The following TEX101 variants were observed in gnomAD, a reference collection of about 807,000 sequenced individuals.
The protein encoded by TEX101 is testis-expressed protein 101.
A neutral mutation model predicts 18.1 loss-of-function variants in TEX101; 10 were observed. The ratio of observed to expected loss-of-function variants is 0.55; its 90% confidence interval spans 0.34 to 0.94. The LOEUF is 0.94. Ranked by LOEUF, TEX101 falls within the 40% of genes least tolerant of loss-of-function variation. The pLI, the probability that TEX101 is intolerant of heterozygous loss-of-function variation, is 0.02. For missense variants in TEX101, 259 were observed against 298.9 expected (o/e 0.87, Z 0.98); for synonymous variants, 94 against 114.8 (o/e 0.82, Z 1.16).
At chr19:43,415,527 C>T (rs895955798) in intron 1 of TEX101, among the ~76,000 whole-genome samples, 8 of 151,986 alleles carry the variant, frequency 5.3e-5, no homozygotes, top group Non-Finnish European at 2.9e-5. Flanking sequence ...TATGGGGGGA[C>T]GAGGCGGGCA....
upstream of TEX101, among the ~76,000 whole-genome samples, chr19:43,397,845 T>A (rs1456760120): frequency 9.3e-6 from 1 of 107,566 alleles, no homozygotes; most frequent in African/African-American, 3.6e-5. Context: ...TTTATATAAA[T>A]ATATAATATA....
At chr19:43,401,110 G>A (rs965012400), upstream of TEX101, among the ~76,000 whole-genome samples, 2 of 152,014 alleles carry the variant, frequency 1.3e-5, no homozygotes, top group African/African-American at 4.8e-5. Flanking sequence ...GCCAATCCAA[G>A]CCTCAAAATG....
upstream of TEX101, among the ~76,000 whole-genome samples, chr19:43,401,318 A>G (rs1970316284): frequency 1.3e-5 from 2 of 152,240 alleles, no homozygotes; most frequent in African/African-American, 4.8e-5. Flanking sequence ...ACACAAACAC[A>G]TTAAGGTTTA....
chr19:43,402,358 C>T (rs1207396456), intron 1 of TEX101, among the ~76,000 whole-genome samples: 3 of 152,130 alleles, frequency 2.0e-5, no homozygotes, highest in African/African-American at 7.2e-5. Flanking sequence ...GCAGGCAGGT[C>T]TAGAGTTGTC....
At chr19:43,397,455 CCTTT>C (rs59600228), upstream of TEX101, among the ~76,000 whole-genome samples, 35,777 of 151,798 alleles carry the variant, frequency 0.24, 4,636 homozygotes, top group East Asian at 0.58. Flanking sequence ...TACACATCAT[CCTTT>C]GTTTTCAACT....
the TEX101 span, among the ~76,000 whole-genome samples, chr19:43,392,450 G>A: frequency 6.6e-6 from 1 of 152,126 alleles, no homozygotes; most frequent in Non-Finnish European, 1.5e-5. Context: ...CCGGATTTGG[G>A]TGTCTCCTTA....
rs1599903842 is a variant in TEX101, at chr19:43,415,924, G to A, written c.5G>A (p.Gly2Glu). The change falls in exon 2 of 6, where the codon GGA (glycine) becomes GAA (glutamate). Residue 2 changes from glycine to glutamate, a missense_variant. Transcript: ENST00000598265. MGTPRIQHLLIL... is the reference protein window; with the variant it reads METPRIQHLLIL... ...CAGACCTCTCCAGAAGAAGCCATGG[G>A]AACCCCTCGTATCCAGCATTTGCTG... 1 of 1,614,134 alleles carries A rather than the reference G, an allele frequency of 6.2e-7. No homozygotes were observed. The highest frequency in any genetic ancestry group is 8.5e-7 in the Non-Finnish European group (1 of 1,180,040).
intron 2 of TEX101, among the ~76,000 whole-genome samples, chr19:43,405,807 C>T (rs567863013): frequency 2.0e-5 from 3 of 151,352 alleles, no homozygotes; most frequent in African/African-American, 4.8e-5. Context: ...CCCAGCTATT[C>T]GGGAGACTGA....
At chr19:43,395,835 T>C in the TEX101 span, among the ~76,000 whole-genome samples, 1 of 152,248 alleles carries the variant, frequency 6.6e-6, no homozygotes, top group South Asian at 2.1e-4. Flanking sequence ...GTTGCTCATC[T>C]GCTAGCTCAG....
chr19:43,398,724 C>T (rs1366256080), upstream of TEX101, among the ~76,000 whole-genome samples: 1 of 152,148 alleles, frequency 6.6e-6, no homozygotes, highest in African/African-American at 2.4e-5. Flanking sequence ...TAAAGTTGCA[C>T]ATCATCAAAC....
At chr19:43,409,547 T>C (rs760497153) in intron 3 of TEX101, among the ~76,000 whole-genome samples, 27 of 151,644 alleles carry the variant, frequency 1.8e-4, no homozygotes, top group Admixed American at 6.6e-5. Flanking sequence ...AAAGCATTAT[T>C]GAAAGTGTGA....
upstream of TEX101, among the ~76,000 whole-genome samples, chr19:43,411,051 A>C (rs186334346): frequency 6.6e-6 from 1 of 151,344 alleles, no homozygotes; most frequent in African/African-American, 2.4e-5. Flanking sequence ...CTAGAATCTT[A>C]CTTGAGGTAA....
the TEX101 span, among the ~76,000 whole-genome samples, chr19:43,390,460 C>CTTTTTTTTTTTTTTCT: frequency 2.0e-5 from 1 of 49,858 alleles, no homozygotes; most frequent in Non-Finnish European, 3.4e-5. Flanking sequence ...CTTTTTTTTT[C>CTTTTTTTTTTTTTTCT]TTTTTTTTTT....
At chr19:43,394,499 C>T in the TEX101 span, among the ~76,000 whole-genome samples, 1 of 148,666 alleles carries the variant, frequency 6.7e-6, no homozygotes. Flanking sequence ...GCAACAGAGT[C>T]TCACTCTGTC....
rs1970506968 is a variant in TEX101, at chr19:43,418,405, C to T, written c.*8C>T. The T allele has an allele frequency of 6.2e-7, 1 of 1,608,518 alleles. No individual in the cohort carries two copies. Among genetic ancestry groups the T allele is most frequent in the Non-Finnish European group, 8.5e-7 (1 of 1,175,928 alleles). Reference sequence around the variant, plus strand: ...TTTATTCACTTTTCCTAAGAAGGCACTTCTGGGCCTGGGTCTGAGGACATC... The same window carrying T: ...TTTATTCACTTTTCCTAAGAAGGCATTTCTGGGCCTGGGTCTGAGGACATC... On this transcript the variant is annotated 3_prime_UTR_variant, in exon 6 of 6. Coordinates refer to ENST00000598265, the MANE Select transcript of TEX101 (RefSeq NM_001130011.3).
chr19:43,394,291 G>A, the TEX101 span, among the ~76,000 whole-genome samples: 11 of 151,912 alleles, frequency 7.2e-5, no homozygotes, highest in South Asian at 2.1e-4. Context: ...AAATGTCCCC[G>A]CTTCCCAGAC....
the TEX101 span, among the ~76,000 whole-genome samples, chr19:43,388,958 G>T: frequency 1.3e-5 from 2 of 152,096 alleles, no homozygotes; most frequent in South Asian, 4.2e-4. Flanking sequence ...TGCTCCCCGG[G>T]GTTCCTCCCG....
At chr19:43,413,718 C>T (rs1203613018), upstream of TEX101, among the ~76,000 whole-genome samples, 1 of 151,888 alleles carries the variant, frequency 6.6e-6, no homozygotes, top group Non-Finnish European at 1.5e-5. Context: ...TCTGGGAGGC[C>T]GAGGTGGGCA....
the TEX101 span, among the ~76,000 whole-genome samples, chr19:43,394,290 C>T: frequency 2.3e-4 from 35 of 152,040 alleles, no homozygotes; most frequent in Admixed American, 2.2e-3. Context: ...CAAATGTCCC[C>T]GCTTCCCAGA....
Sources: gnomAD v4.1 joint callset for allele counts (sites outside exome capture counted in the v4.1 genomes callset) on GRCh38, gnomAD v4.1.1 for gene constraint, MANE v1.5 for transcripts, NCBI Gene and HGNC (gene_info 2026-07-23, HGNC 2026-07-21) for gene names.